Variants in SREK1 observed in about 807,000 individuals in gnomAD.
SREK1 encodes the protein splicing regulatory glutamic acid and lysine rich protein 1.
A neutral mutation model predicts 66.5 loss-of-function variants in SREK1; 13 were observed. The ratio of observed to expected loss-of-function variants is 0.20; its 90% CI spans 0.13 to 0.31. The LOEUF is 0.31. Among genes scored for constraint, SREK1 ranks in the 10% least tolerant of loss-of-function variants. The pLI is 1.00. For synonymous variants in SREK1, 265 were observed against 263.5 expected (o/e 1.01, Z -0.05); for missense variants, 607 against 769.6 (o/e 0.79, Z 2.50).
At chr5:66,176,624 A>G (rs1746075589) in intron 10 of SREK1, among the ~76,000 whole-genome samples, 1 of 152,152 alleles carries the variant, frequency 6.6e-6, no homozygotes, top group Non-Finnish European at 1.5e-5. Context: ...ATATGGCTGT[A>G]GACAAGGAAT....
rs181228022 is a variant in SREK1 at position 66,144,972 on chromosome 5, C to T, written c.161+435C>T. ...AGTCCAGTTTTTAAGGCCTTGGTGT[C>T]AGGCCGTTTTGCTGACGAGAAAGCC... On this transcript the variant is annotated intron_variant, in intron 1 of 11. Transcript: ENST00000334121. 4 of 988,056 alleles carry T rather than the reference C, an allele frequency of 4.0e-6. No homozygotes were observed. The East Asian group carries it at 4.5e-4, about 111-fold the overall frequency. The allele number at this position is 988,056 out of a possible 1,614,324, so 61.2% of individuals were successfully genotyped here.
At chr5:66,171,510 T>C (rs1745643589) in intron 9 of SREK1, among the ~76,000 whole-genome samples, 1 of 152,208 alleles carries the variant, frequency 6.6e-6, no homozygotes, top group African/African-American at 2.4e-5. Flanking sequence ...CAAGTTGCCA[T>C]AGTAACAGCT....
intron 7 of SREK1, chr5:66,169,749 C>T: frequency 5.6e-6 from 1 of 178,322 alleles, no homozygotes; most frequent in Non-Finnish European, 1.2e-5. Context: ...TGTGTTATGA[C>T]CAGATTACAT....
At chr5:66,159,156 A>C (rs972831375) in intron 2 of SREK1, 63 bp from the exon 3 acceptor site, 22 of 1,550,686 alleles carry the variant, frequency 1.4e-5, no homozygotes, top group African/African-American at 2.8e-5. Context: ...TAATTGTAAA[A>C]TCATAGTGTA....
At chr5:66,160,322 A>G (rs1478088434) in intron 3 of SREK1, among the ~76,000 whole-genome samples, 1 of 152,274 alleles carries the variant, frequency 6.6e-6, no homozygotes, top group East Asian at 1.9e-4. Context: ...GAACTATGTG[A>G]TTGTAGTTAA....
intron 7 of SREK1, chr5:66,167,923 C>T (rs1361897686): frequency 1.3e-5 from 2 of 152,048 alleles, no homozygotes; most frequent in Non-Finnish European, 1.5e-5. Flanking sequence ...TATCTGTAAA[C>T]GGACTAATAA....
At chr5:66,145,120 T>G (rs1056072954) in intron 1 of SREK1, 1 of 985,476 alleles carries the variant, frequency 1.0e-6, no homozygotes, top group Non-Finnish European at 1.2e-6. Context: ...CTGTTAGCCC[T>G]TTTGACAGCA....
At chr5:66,153,408 T>C (rs1744017879) in intron 1 of SREK1, 55 bp from the exon 2 acceptor site, 2 of 1,575,086 alleles carry the variant, frequency 1.3e-6, no homozygotes, top group Admixed American at 2.0e-5. Flanking sequence ...TAAGTGAAAA[T>C]GATAAAACCA....
At chr5:66,166,416 C>G (rs929610837) in intron 7 of SREK1, 2 of 152,098 alleles carry the variant, frequency 1.3e-5, no homozygotes, top group Non-Finnish European at 2.9e-5. Flanking sequence ...GTAGATATGT[C>G]TATACAGATG....
chr5:66,176,597 C>T (rs970007428), intron 10 of SREK1, among the ~76,000 whole-genome samples: 1 of 152,062 alleles, frequency 6.6e-6, no homozygotes, highest in Non-Finnish European at 1.5e-5. Flanking sequence ...CTGATGAGAT[C>T]GGGCATGCTC....
intron 6 of SREK1, chr5:66,164,343 T>TA (rs1744999512): frequency 3.1e-6 from 1 of 324,752 alleles, no homozygotes; most frequent in South Asian, 2.6e-5. Flanking sequence ...TTTAGTAAGG[T>TA]AAAAGAACAT....
At chr5:66,174,040 A>G (rs144721504) in intron 9 of SREK1, among the ~76,000 whole-genome samples, 199 of 152,256 alleles carry the variant, frequency 1.3e-3, no homozygotes, top group Admixed American at 2.0e-3. Flanking sequence ...GTCTCTTAGA[A>G]TCAGTTTCCT....
chr5:66,152,872 C>T (rs1051191316), intron 1 of SREK1, among the ~76,000 whole-genome samples: 3 of 151,532 alleles, frequency 2.0e-5, no homozygotes, highest in African/African-American at 7.3e-5. Context: ...CTGGATTAAA[C>T]TGAATCAAGT....
intron 7 of SREK1, chr5:66,168,217 T>C (rs997531438): frequency 1.3e-5 from 2 of 152,158 alleles, no homozygotes; most frequent in Non-Finnish European, 2.9e-5. Flanking sequence ...GCTATTGAAA[T>C]TTTGATTTGT....
At chr5:66,170,523 A>G (rs1745544783) in intron 8 of SREK1, 62 bp from the exon 9 acceptor site, 3 of 1,520,706 alleles carry the variant, frequency 2.0e-6, no homozygotes, top group Non-Finnish European at 2.6e-6. Context: ...GAAGAGAGAG[A>G]GGTCTTTTTG....
Position 66,180,750 on chromosome 5 carries a change from A to G in SREK1, c.*1882A>G, listed in dbSNP as rs1275849218. ...TTCTGATACAAGAATGCTTGGGTGC[A>G]TATGGAAAGATTGTGAAAGAGTGTG... is the stretch of plus-strand genomic sequence containing the variant. On this transcript the variant is annotated 3_prime_UTR_variant, in exon 12 of 12. Transcript: ENST00000334121. The G allele has an allele frequency of 6.6e-6, 1 of 152,632 alleles. No homozygotes were observed. Among genetic ancestry groups the G allele is most frequent in the Non-Finnish European group, 1.5e-5 (1 of 68,026 alleles). 9.5% of individuals were successfully genotyped at this position (152,632 alleles called of 1,614,324 possible).
Position 66,162,532 on chromosome 5 carries a change from A to T in SREK1, c.695A>T (p.Gln232Leu). 1 of 1,614,158 alleles carries T rather than the reference A, an allele frequency of 6.2e-7. No homozygotes were observed. The highest frequency in any genetic ancestry group is 8.5e-7 in the Non-Finnish European group (1 of 1,179,992). ...TTTGCTTTTGTGGAATTTGCAGACC[A>T]AAATTCTGTACCAAGGGCCCTTGCT... ...TRFAFVEFAD[Q>L]NSVPRALAFN... Residue 232 changes from glutamine to leucine, a missense_variant, in exon 5 of 12, where the codon CAA becomes CTA. Physicochemically the swap from Gln to Leu is moderately radical, Grantham distance 113. Around this residue, in one of 5 missense-constraint regions of SREK1, gnomAD observed 112 missense variants for 168.6 expected, o/e 0.66. Transcript: ENST00000334121.
In SREK1 at chr5:66,159,116, TTTATTA is replaced by T. The variant is rs764732044; in HGVS notation, c.296-94_296-89del. 8.8e-4 allele frequency: 1,274 copies of T among 1,445,822 alleles called. 3 individuals are homozygous for T. The highest frequency in any genetic ancestry group is 1.1e-3 in the Non-Finnish European group (1,212 of 1,098,942). The allele number at this position is 1,445,822 out of a possible 1,614,324, so 89.6% of individuals were successfully genotyped here. A position where few individuals can be genotyped will look rare whatever the true frequency, so the allele number is the denominator to read the frequency against. ...TATACAGATCTGATAGATAGATTCA[TTTATTA>T]TTATTATTTTTTAACTGCAAGGGTA... On this transcript the variant is annotated intron_variant, in intron 2 of 11. Coordinates refer to ENST00000334121, the MANE Select transcript of SREK1 (RefSeq NM_001077199.3).
chr5:66,172,048 A>T (rs777267044), intron 9 of SREK1, among the ~76,000 whole-genome samples: 2 of 152,090 alleles, frequency 1.3e-5, no homozygotes, highest in Non-Finnish European at 2.9e-5. Flanking sequence ...AGTTGAAAGC[A>T]GTAGTATATG....
Sources: gnomAD v4.1 joint callset for allele counts (sites outside exome capture counted in the v4.1 genomes callset) on GRCh38, gnomAD v4.1.1 for gene constraint, gnomAD v4.1.1 regional missense constraint, MANE v1.5 for transcripts, NCBI Gene and HGNC (gene_info 2026-07-23, HGNC 2026-07-21) for gene names.